Variants in ZBTB44 observed in about 807,000 individuals in gnomAD.
ZBTB44 encodes zinc finger and BTB domain containing 44.
A neutral mutation model predicts 54.0 loss-of-function variants in ZBTB44; 15 were observed. That is an observed-to-expected ratio of 0.28 (90% CI 0.19 to 0.43). The LOEUF (loss-of-function observed/expected upper bound fraction) is 0.43. ZBTB44 is among the 20% of genes least tolerant of loss of function. ZBTB44 has a pLI of 1.00. For synonymous variants in ZBTB44, 230 were observed against 250.1 expected, an observed-to-expected ratio of 0.92 and a Z score of 0.76; for missense variants, 487 against 707.1, an observed-to-expected ratio of 0.69 and a Z score of 3.53.
At chr11:130,271,023 A>C (rs1939627295) in intron 1 of ZBTB44, among the ~76,000 whole-genome samples, 1 of 152,214 alleles carries the variant, frequency 6.6e-6, no homozygotes, top group Non-Finnish European at 1.5e-5. Flanking sequence ...AGCTTGGAGC[A>C]GATAGAGCAA....
chr11:130,287,965 CAAA>C (rs535420591), intron 1 of ZBTB44, among the ~76,000 whole-genome samples: 10 of 86,452 alleles, frequency 1.2e-4, no homozygotes, highest in Non-Finnish European at 1.6e-4. Context: ...TTTTCTCAGA[CAAA>C]AAAAAAAAAA....
In ZBTB44 at chr11:130,231,049, T is replaced by C. The variant is rs187139320; in HGVS notation, c.*715A>G. On this transcript the variant is annotated 3_prime_UTR_variant, in exon 8 of 8. Coordinates refer to ENST00000357899, the MANE Select transcript of ZBTB44 (RefSeq NM_001301098.2). ...AAGAAAGATAGCTACGTTTAAGCAC[T>C]CTAAACTGGAATATTTATGTTTAGT... 38 of 152,242 alleles carry C rather than the reference T, an allele frequency of 2.5e-4. No individual in the cohort carries two copies. Among genetic ancestry groups the C allele is most frequent in the African/African-American group, 7.7e-4 (32 of 41,580 alleles). 9.4% of individuals were successfully genotyped at this position (152,242 alleles called of 1,614,324 possible).
intron 1 of ZBTB44, among the ~76,000 whole-genome samples, chr11:130,279,529 T>G (rs1279223142): frequency 6.6e-6 from 1 of 152,018 alleles, no homozygotes. Flanking sequence ...CTTGGTGGCA[T>G]GCACCTGTGG....
At chr11:130,234,645 A>T (rs1954025701) in intron 5 of ZBTB44, among the ~76,000 whole-genome samples, 1 of 152,198 alleles carries the variant, frequency 6.6e-6, no homozygotes, top group Non-Finnish European at 1.5e-5. Flanking sequence ...ACTTTTCTTG[A>T]TTATACATTG....
intron 2 of ZBTB44, among the ~76,000 whole-genome samples, chr11:130,253,910 A>G (rs1422925424): frequency 6.6e-6 from 1 of 152,154 alleles, no homozygotes; most frequent in Non-Finnish European, 1.5e-5. Flanking sequence ...CAGAAATAAT[A>G]CCACACATCT....
intron 1 of ZBTB44, among the ~76,000 whole-genome samples, chr11:130,270,540 G>C (rs1453992627): frequency 6.6e-6 from 1 of 152,194 alleles, no homozygotes; most frequent in Non-Finnish European, 1.5e-5. Context: ...TTTATACCAA[G>C]CTTCAGACCT....
In ZBTB44 at chr11:130,273,336, T is replaced by A. The variant is rs551506606; in HGVS notation, c.-56-11407A>T. On this transcript the variant is annotated intron_variant, in intron 1 of 7. Transcript: ENST00000357899. Reference sequence around the variant, plus strand: ...TTTTTTTTTTTTTTTTGAGACAGAGTCTCACTCTGCTGCCCCAGGCTGGAG... The same window carrying A: ...TTTTTTTTTTTTTTTTGAGACAGAGACTCACTCTGCTGCCCCAGGCTGGAG... Among the ~76,000 whole-genome samples the A allele has an allele frequency of 2.9e-3, 400 of 137,150 alleles. 2 individuals are homozygous for A. The highest frequency in any genetic ancestry group is 9.7e-3 in the African/African-American group (365 of 37,450). 90.0% of individuals were successfully genotyped at this position (137,150 alleles called of 152,430 possible).
At chr11:130,293,282 A>G (rs145605918) in intron 1 of ZBTB44, among the ~76,000 whole-genome samples, 88 of 140,702 alleles carry the variant, frequency 6.3e-4, no homozygotes, top group African/African-American at 2.2e-3. Context: ...GGCAACACAG[A>G]GAGAACTTGT....
intron 2 of ZBTB44, among the ~76,000 whole-genome samples, chr11:130,250,031 T>C (rs1285815514): frequency 6.6e-6 from 1 of 152,208 alleles, no homozygotes; most frequent in Non-Finnish European, 1.5e-5. Context: ...AAATTCTCAC[T>C]GCCAGCACAG....
At chr11:130,251,278 A>C (rs891857080) in intron 2 of ZBTB44, among the ~76,000 whole-genome samples, 2 of 152,204 alleles carry the variant, frequency 1.3e-5, no homozygotes, top group African/African-American at 4.8e-5. Flanking sequence ...CAAAGCCTCC[A>C]AGAAATATGG....
intron 1 of ZBTB44, among the ~76,000 whole-genome samples, chr11:130,281,515 CAAAATAAA>C (rs1264813033): frequency 0.017 from 2,038 of 119,994 alleles, 44 homozygotes; most frequent in African/African-American, 0.053. Context: ...GACCCTGTCT[CAAAATAAA>C]TAAATAAATA....
At chr11:130,312,211 T>C (rs1186090463) in intron 1 of ZBTB44, among the ~76,000 whole-genome samples, 2 of 152,196 alleles carry the variant, frequency 1.3e-5, no homozygotes. Flanking sequence ...TCATGGGTGC[T>C]AAAAACCACT....
chr11:130,245,603 C>A (rs1390802630), intron 2 of ZBTB44, among the ~76,000 whole-genome samples: 1 of 151,984 alleles, frequency 6.6e-6, no homozygotes, highest in African/African-American at 2.4e-5. Flanking sequence ...CTGGCATCTG[C>A]TTCTCACTAT....
intron 1 of ZBTB44, among the ~76,000 whole-genome samples, chr11:130,314,132 G>C (rs957637189): frequency 6.6e-6 from 1 of 152,158 alleles, no homozygotes; most frequent in Admixed American, 6.5e-5. Flanking sequence ...TGCAAAGGAC[G>C]GGCAGCTCCC....
Position 130,231,543 on chromosome 11 carries a change from G to A in ZBTB44, c.*221C>T, listed in dbSNP as rs1953877145. The stretch of plus-strand genomic sequence containing the variant: ...GAGAACACAGTCAGAATATCTTGGA[G>A]CTACCAACATTGTGCTTGGCTCTTA... On this transcript the variant is annotated 3_prime_UTR_variant, in exon 8 of 8. Transcript: ENST00000357899. 6.6e-6 allele frequency: 1 copy of A among 152,124 alleles called. No individual in the cohort carries two copies. Among genetic ancestry groups the A allele is most frequent in the South Asian group, 2.1e-4 (1 of 4,828 alleles). The allele number at this position is 152,124 out of a possible 1,614,324, so 9.4% of individuals were successfully genotyped here.
At chr11:130,291,639 C>G (rs777527175) in intron 1 of ZBTB44, among the ~76,000 whole-genome samples, 7 of 152,188 alleles carry the variant, frequency 4.6e-5, no homozygotes, top group Non-Finnish European at 1.0e-4. Flanking sequence ...ACACTGAACT[C>G]TGGTGGTAGT....
intron 1 of ZBTB44, among the ~76,000 whole-genome samples, chr11:130,294,373 C>G (rs1304212323): frequency 6.6e-6 from 1 of 151,690 alleles, no homozygotes; most frequent in Non-Finnish European, 1.5e-5. Context: ...GATCACGCCA[C>G]TGCCCTCCAG....
intron 2 of ZBTB44, among the ~76,000 whole-genome samples, chr11:130,250,834 G>A (rs1937939202): frequency 6.6e-6 from 1 of 152,190 alleles, no homozygotes. Context: ...CGAAGATGAG[G>A]AAAAACCAGC....
At chr11:130,296,752 A>C in intron 1 of ZBTB44, 1 of 833,786 alleles carries the variant, frequency 1.2e-6, no homozygotes, top group South Asian at 1.3e-5. Context: ...AAATTGATTG[A>C]AAAGAACTAC....
Sources: allele counts gnomAD v4.1 joint callset (sites outside exome capture counted in the v4.1 genomes callset), GRCh38; gene constraint gnomAD v4.1.1; transcripts MANE v1.5; gene names NCBI Gene and HGNC (gene_info 2026-07-23, HGNC 2026-07-21).